Variants in VWA7 observed in about 807,000 individuals in gnomAD.
VWA7 encodes von Willebrand factor A domain containing 7.
Under a neutral mutation model 83.1 loss-of-function variants are expected in VWA7, and 66 were observed. The ratio of observed to expected loss-of-function variants is 0.79; its 90% CI spans 0.65 to 0.98. VWA7 has a LOEUF of 0.98. Among genes scored for constraint, VWA7 ranks in the 50% least tolerant of loss-of-function variants. VWA7 has a pLI of 0.00. For synonymous variants in VWA7, 424 were observed against 488.5 expected, an observed-to-expected ratio of 0.87 and a Z score of 1.74; for missense variants, 1,080 against 1,160.2, an observed-to-expected ratio of 0.93 and a Z score of 1.00.
chr6:31,766,320 C>G lies in VWA7; in HGVS notation c.2249G>C (p.Ser750Thr). 2 of 1,611,508 alleles carry G rather than the reference C, an allele frequency of 1.2e-6. No homozygotes were observed. Among genetic ancestry groups the G allele is most frequent in the African/African-American group, 1.3e-5 (1 of 75,040 alleles). Residue 750 changes from serine (S) to threonine (T), a missense_variant, in exon 15 of 17, where the codon AGC becomes ACC. By Grantham distance (58) the Ser-to-Thr change is moderately conservative. Transcript: ENST00000375688. This position sits in a 1 kb window ranked among gnomAD's most constrained non-coding sequence, Gnocchi z 4.9. ...GTCAAGATCCTGAGGGCCCGAGAAG[C>G]TGGCGATGCGGAGACTGAGCGGGAC... Reference protein sequence around the residue: ...SKVPLSLRIASFSGPQDLDLR... With the variant: ...SKVPLSLRIATFSGPQDLDLR...
In VWA7 at chr6:31,774,605, T is replaced by G; in HGVS notation, c.632A>C (p.Asp211Ala). The G allele has an allele frequency of 6.2e-7, 1 of 1,612,538 alleles. No individual in the cohort carries two copies. Among genetic ancestry groups the G allele is most frequent in the Non-Finnish European group, 8.5e-7 (1 of 1,179,874 alleles). The change falls in exon 5 of 17, where the codon GAT (aspartate) becomes GCT (alanine). Residue 211 changes from aspartate to alanine, a missense_variant. By Grantham distance (126) the Asp-to-Ala change is moderately radical. Transcript: ENST00000375688. ...LAQVADPTCS[D>A]CEELSCPRNW... ...CCTGGGGCAGCTCAACTCCTCGCAA[T>G]CGGAGCAGGTAGGATCGGCCACTGG...
chr6:31,771,343 G>T (rs3130490), intron 7 of VWA7: 11,666 of 152,292 alleles, frequency 0.077, 560 homozygotes, highest in Non-Finnish European at 0.11. Context: ...GAGGTGTCAG[G>T]CCTCTGAGCC....
rs1211494462 is a variant in VWA7, at chr6:31,775,910, G to A, written c.513+54C>T. 21 of 1,554,480 alleles carry A rather than the reference G, an allele frequency of 1.4e-5. No individual in the cohort carries two copies. Among genetic ancestry groups the A allele is most frequent in the South Asian group, 4.8e-5 (4 of 82,862 alleles). ...GGCACCATAGGACGCGCTCCATCCC[G>A]GACAGGCACGGAAGTGAAGACCCCT... On this transcript the variant is annotated intron_variant, in intron 3 of 16. Transcript: ENST00000375688. This position sits in a 1 kb window ranked among gnomAD's most constrained non-coding sequence, Gnocchi z 5.9.
At chr6:31,767,976 A>C in intron 10 of VWA7, among the ~76,000 whole-genome samples, 1 of 151,110 alleles carries the variant, frequency 6.6e-6, no homozygotes, top group Non-Finnish European at 1.5e-5. Context: ...ACTAAAAAAA[A>C]AAAAATACAA....
chr6:31,769,649 C>T lies in VWA7; in HGVS notation c.1317+26G>A, dbSNP rs756727536. The T allele has an allele frequency of 5.9e-5, 93 of 1,586,188 alleles. No individual in the cohort carries two copies. In the East Asian group the frequency reaches 1.9e-3, roughly 33 times the overall value. On this transcript the variant is annotated intron_variant, in intron 9 of 16. Transcript: ENST00000375688. The surrounding 1 kb of genome is among the most constrained non-coding windows in gnomAD (Gnocchi z 4.5). ...CTCTCACATCCCTGGGAGGCTAACA[C>T]TGGGTCTCCCACTAGCTCTGCTCAC...
At chr6:31,772,655 A>T (rs1237959040) in intron 7 of VWA7, among the ~76,000 whole-genome samples, 8 of 123,862 alleles carry the variant, frequency 6.5e-5, no homozygotes, top group African/African-American at 2.5e-4. Context: ...TGGAGTGCAA[A>T]GGCACGATCT....
rs758370816 is a variant in VWA7, at chr6:31,776,265, G to T, written c.235-23C>A. 1 of 1,601,282 alleles carries T rather than the reference G, an allele frequency of 6.2e-7. No individual in the cohort carries two copies. Among genetic ancestry groups the T allele is most frequent in the Non-Finnish European group, 8.5e-7 (1 of 1,172,652 alleles). On this transcript the variant is annotated intron_variant, in intron 2 of 16. Transcript: ENST00000375688. This position sits in a 1 kb window ranked among gnomAD's most constrained non-coding sequence, Gnocchi z 6.2. ...ACCCTGGGGAGAATAGCGGGCGACG[G>T]GGCTCCAGGGAGGCCCTTTGGATTG... is the stretch of plus-strand genomic sequence containing the variant.
Position 31,776,169 on chromosome 6 carries a change from G to C in VWA7, c.308C>G (p.Ala103Gly), listed in dbSNP as rs764623962. ...GPGSSRRFRA[A>G]LGEVSRANAA... ...ATTGGCACGAGACACCTCACCTAAG[G>C]CTGCTCGGAACCGCCGAGAAGAACC... The change falls in exon 3 of 17, where the codon GCC becomes GGC. Residue 103 changes from alanine to glycine, a missense_variant. Physicochemically the swap from Ala to Gly is moderately conservative, Grantham distance 60. Coordinates refer to ENST00000375688, the MANE Select transcript of VWA7 (RefSeq NM_025258.3). The surrounding 1 kb of genome is among the most constrained non-coding windows in gnomAD (Gnocchi z 6.2). The C allele has an allele frequency of 2.5e-6, 4 of 1,614,062 alleles. No homozygotes were observed. In the East Asian group the frequency reaches 8.9e-5, roughly 36 times the overall value.
chr6:31,776,870 G>A lies in VWA7; in HGVS notation c.-15-76C>T. On this transcript the variant is annotated intron_variant, in intron 1 of 16. Coordinates refer to ENST00000375688, the MANE Select transcript of VWA7 (RefSeq NM_025258.3). This position sits in a 1 kb window ranked among gnomAD's most constrained non-coding sequence, Gnocchi z 6.2. ...GCAGGCCGGCTCTGCGGGTCTCCAT[G>A]GGAACCTGCTTTACCTCAAAAGTCG... 1 of 844,962 alleles carries A rather than the reference G, an allele frequency of 1.2e-6. No homozygotes were observed. Among genetic ancestry groups the A allele is most frequent in the Non-Finnish European group, 1.7e-6 (1 of 586,168 alleles). 52.3% of individuals were successfully genotyped at this position (844,962 alleles called of 1,614,324 possible).
chr6:31,766,022 C>T lies in VWA7; in HGVS notation c.2360G>A (p.Arg787His), dbSNP rs748304658. The T allele has an allele frequency of 5.6e-6, 9 of 1,612,828 alleles. No homozygotes were observed. The highest frequency in any genetic ancestry group is 1.6e-4 in the Middle Eastern group (1 of 6,062). ...TGAATCTGGGACCTCCAGCCACAGG[C>T]GGCCCCAGGCCGACTCATTCAGTTC... is the stretch of plus-strand genomic sequence containing the variant. ...HLELNESAWG[R>H]LWLEVPDSAA... Residue 787 changes from arginine to histidine, a missense_variant, in exon 16 of 17, where the codon CGC (arginine) becomes CAC (histidine). Transcript: ENST00000375688. The surrounding 1 kb of genome is among the most constrained non-coding windows in gnomAD (Gnocchi z 4.9).
At position 31,776,005 on chromosome 6, in the gene VWA7, G is replaced by A; in HGVS notation, c.472C>T (p.Leu158=). Residue 158 remains leucine (L), a synonymous_variant, in exon 3 of 17, where the codon CTG becomes TTG. Coordinates refer to ENST00000375688, the MANE Select transcript of VWA7 (RefSeq NM_025258.3). This position sits in a 1 kb window ranked among gnomAD's most constrained non-coding sequence, Gnocchi z 6.2. ...VVAARALDHT[L]ARQRLGAALH... ...GCAGCCCCGAGGCGCTGGCGAGCCA[G>A]GGTGTGGTCAAGGGCCCTGGCTGCC... The A allele has an allele frequency of 1.2e-6, 2 of 1,612,976 alleles. No homozygotes were observed. Among genetic ancestry groups the A allele is most frequent in the Non-Finnish European group, 1.7e-6 (2 of 1,179,864 alleles).
In VWA7 at chr6:31,776,261, G is replaced by A. The variant is rs377392515; in HGVS notation, c.235-19C>T. 1.7e-5 allele frequency: 27 copies of A among 1,604,392 alleles called. No homozygotes were observed. The highest frequency in any genetic ancestry group is 2.2e-5 in the Non-Finnish European group (26 of 1,174,190). Reference sequence around the variant, plus strand: ...TTCGACCCTGGGGAGAATAGCGGGCGACGGGGCTCCAGGGAGGCCCTTTGG... The same window carrying A: ...TTCGACCCTGGGGAGAATAGCGGGCAACGGGGCTCCAGGGAGGCCCTTTGG... On this transcript the variant is annotated intron_variant, in intron 2 of 16. Coordinates refer to ENST00000375688, the MANE Select transcript of VWA7 (RefSeq NM_025258.3). The surrounding 1 kb of genome is among the most constrained non-coding windows in gnomAD (Gnocchi z 6.2).
At position 31,766,097 on chromosome 6, in the gene VWA7, C is replaced by T. The variant is rs766975982; in HGVS notation, c.2325-40G>A. The T allele has an allele frequency of 5.6e-6, 9 of 1,609,340 alleles. No homozygotes were observed. Among genetic ancestry groups the T allele is most frequent in the Non-Finnish European group, 7.6e-6 (9 of 1,177,826 alleles). On this transcript the variant is annotated intron_variant, in intron 15 of 16. Transcript: ENST00000375688. The surrounding 1 kb of genome is among the most constrained non-coding windows in gnomAD (Gnocchi z 4.9). ...TAGGCGTCGCTAAAGCTCCAGGCTG[C>T]CCAGAGCCTAGAGTCGGGACGCCTG...
Position 31,777,203 on chromosome 6 carries a change from GA to G in VWA7, c.-111del. 1 of 393,892 alleles carries G rather than the reference GA, an allele frequency of 2.5e-6. No homozygotes were observed. The highest frequency in any genetic ancestry group is 4.6e-6 in the Non-Finnish European group (1 of 217,670). The allele number at this position is 393,892 out of a possible 1,614,324, so 24.4% of individuals were successfully genotyped here. A position where few individuals can be genotyped will look rare whatever the true frequency, so the allele number is the denominator to read the frequency against. ...AATTAACCGAGGCTCAGCAGAGGGG[GA>G]GGAAGGCCTCAACAGGGTGGGGGAG... is the stretch of plus-strand genomic sequence containing the variant. On this transcript the variant is annotated 5_prime_UTR_variant, in exon 1 of 17. Coordinates refer to ENST00000375688, the MANE Select transcript of VWA7 (RefSeq NM_025258.3). The surrounding 1 kb of genome is among the most constrained non-coding windows in gnomAD (Gnocchi z 5.8).
intron 10 of VWA7, among the ~76,000 whole-genome samples, chr6:31,767,956 C>A (rs1284320755): frequency 2.0e-5 from 3 of 148,358 alleles, no homozygotes; most frequent in Non-Finnish European, 4.5e-5. Context: ...CACAGTGAAA[C>A]TACATCTCTA....
Position 31,777,057 on chromosome 6 carries a change from A to G in VWA7, c.-16+52T>C, listed in dbSNP as rs968424417. ...CTGGCTGCGTCCCCAGCCCTGCCGC[A>G]GAAACACTCCCCATGCTCAGGAAGC... On this transcript the variant is annotated intron_variant, in intron 1 of 16. Transcript: ENST00000375688. The surrounding 1 kb of genome is among the most constrained non-coding windows in gnomAD (Gnocchi z 5.8). 9 of 408,740 alleles carry G rather than the reference A, an allele frequency of 2.2e-5. No individual in the cohort carries two copies. Among genetic ancestry groups the G allele is most frequent in the Non-Finnish European group, 3.5e-5 (8 of 231,216 alleles). The allele number at this position is 408,740 out of a possible 1,614,324, so 25.3% of individuals were successfully genotyped here. A position where few individuals can be genotyped will look rare whatever the true frequency, so the allele number is the denominator to read the frequency against.
chr6:31,767,370 C>G lies in VWA7; in HGVS notation c.1781G>C (p.Arg594Thr). Reference protein sequence around the residue: ...QVTAEDTPGVRVQAQTSLDFL... With the variant: ...QVTAEDTPGVTVQAQTSLDFL... ...AACACCTCCCTCCTTACCTTGCACTCTCACCCCAGGGGTGTCCTCAGCTGT... is the reference window on the plus strand; with the variant it reads ...AACACCTCCCTCCTTACCTTGCACTGTCACCCCAGGGGTGTCCTCAGCTGT... The change falls in exon 12 of 17, where the codon AGA (arginine) becomes ACA (threonine). Residue 594 changes from arginine (R) to threonine (T), a missense_variant. Coordinates refer to ENST00000375688, the MANE Select transcript of VWA7 (RefSeq NM_025258.3). 6.2e-7 allele frequency: 1 copy of G among 1,612,954 alleles called. No homozygotes were observed. The highest frequency in any genetic ancestry group is 1.1e-5 in the South Asian group (1 of 91,070).
In VWA7 at chr6:31,773,380, C is replaced by G; in HGVS notation, c.779G>C (p.Gly260Ala). 6.2e-7 allele frequency: 1 copy of G among 1,606,516 alleles called. No individual in the cohort carries two copies. The highest frequency in any genetic ancestry group is 8.5e-7 in the Non-Finnish European group (1 of 1,176,790). The change falls in exon 6 of 17, where the codon GGC becomes GCC. Residue 260 changes from glycine to alanine, a missense_variant. Gly to Ala is a moderately conservative substitution (Grantham distance 60). Coordinates refer to ENST00000375688, the MANE Select transcript of VWA7 (RefSeq NM_025258.3). This position sits in a 1 kb window ranked among gnomAD's most constrained non-coding sequence, Gnocchi z 5.3. ...TGGGGATGTGCTGTCCTTGTTGATG[C>G]CTCCCCTCGGTGGCTGGGAGCTGCT... Reference protein sequence around the residue: ...DRSSSQPPRGGINKDSTSPGF... With the variant: ...DRSSSQPPRGAINKDSTSPGF...
At position 31,769,604 on chromosome 6, in the gene VWA7, T is replaced by A; in HGVS notation, c.1317+71A>T. On this transcript the variant is annotated intron_variant, in intron 9 of 16. Transcript: ENST00000375688. The surrounding 1 kb of genome is among the most constrained non-coding windows in gnomAD (Gnocchi z 4.5). ...CCATAGTGTGGTGCAACCCTCGTTATGAGATTGTCATCACAGGGTCTCTCA... is the reference window on the plus strand; with the variant it reads ...CCATAGTGTGGTGCAACCCTCGTTAAGAGATTGTCATCACAGGGTCTCTCA... 1 of 1,402,438 alleles carries A rather than the reference T, an allele frequency of 7.1e-7. No individual in the cohort carries two copies. Among genetic ancestry groups the A allele is most frequent in the Non-Finnish European group, 1.0e-6 (1 of 992,856 alleles). 86.9% of individuals were successfully genotyped at this position (1,402,438 alleles called of 1,614,324 possible). A position where few individuals can be genotyped will look rare whatever the true frequency, so the allele number is the denominator to read the frequency against.
Sources: gnomAD v4.1 joint callset for allele counts (sites outside exome capture counted in the v4.1 genomes callset) on GRCh38, gnomAD v4.1.1 for gene constraint, Gnocchi (gnomAD v3.1) non-coding constraint, MANE v1.5 for transcripts, NCBI Gene and HGNC (gene_info 2026-07-23, HGNC 2026-07-21) for gene names.